Variants in ZNF385D observed in about 807,000 individuals in gnomAD.
ZNF385D encodes the protein zinc finger protein 385D.
In ZNF385D, 15 loss-of-function variants were observed where a neutral mutation model predicts 35.8. The ratio of observed to expected loss-of-function variants is 0.42; its 90% CI spans 0.28 to 0.64. The LOEUF (loss-of-function observed/expected upper bound fraction) is 0.64, where lower values mean the gene tolerates loss of function less well. Ranked by LOEUF, ZNF385D falls within the 30% of genes least tolerant of loss-of-function variation. ZNF385D has a pLI of 0.23. For missense variants in ZNF385D, 474 were observed against 494.6 expected (o/e 0.96, Z 0.39); for synonymous variants, 212 against 186.8 (o/e 1.13, Z -1.10).
chr3:22,088,851 G>A (rs956264358), intron 3 of ZNF385D, among the ~76,000 whole-genome samples: 4 of 152,108 alleles, frequency 2.6e-5, no homozygotes, highest in Admixed American at 2.6e-4. Context: ...CTTCTCCAGT[G>A]CAGCTAAGTT....
At chr3:22,141,876 T>C (rs1183311897) in intron 3 of ZNF385D, among the ~76,000 whole-genome samples, 1 of 152,236 alleles carries the variant, frequency 6.6e-6, no homozygotes, top group Admixed American at 6.5e-5. Context: ...TCAGTGATCT[T>C]TATCCCAAAG....
chr3:21,842,589 A>G (rs1018278707), intron 3 of ZNF385D, among the ~76,000 whole-genome samples: 2 of 151,956 alleles, frequency 1.3e-5, no homozygotes, highest in Admixed American at 1.3e-4. Flanking sequence ...GATCTTTGGG[A>G]TGGTTGTTTA....
At chr3:21,966,674 C>T (rs897301283) in intron 3 of ZNF385D, among the ~76,000 whole-genome samples, 9 of 152,072 alleles carry the variant, frequency 5.9e-5, no homozygotes, top group African/African-American at 1.2e-4. Flanking sequence ...CTCTGCCTCC[C>T]GGGTTCAATC....
intron 5 of ZNF385D, among the ~76,000 whole-genome samples, chr3:21,433,924 A>G (rs1489782599): frequency 2.0e-5 from 3 of 152,164 alleles, no homozygotes; most frequent in East Asian, 1.9e-4. Flanking sequence ...TTTTTGTGTC[A>G]TTAGTAAGTT....
intron 3 of ZNF385D, among the ~76,000 whole-genome samples, chr3:21,972,420 G>A (rs1703314185): frequency 6.6e-6 from 1 of 151,696 alleles, no homozygotes; most frequent in South Asian, 2.1e-4. Context: ...AAAACTTACG[G>A]GACACAGCAA....
At position 22,126,787 on chromosome 3, in the gene ZNF385D, T is replaced by C. The variant is rs80032974; in HGVS notation, c.325+42030A>G. On this transcript the variant is annotated intron_variant, in intron 3 of 5. Coordinates refer to the ZNF385D transcript ENST00000494108. Reference sequence around the variant, plus strand: ...CAATGCTGAAAGTGGAATGTTGAAGTTTCCAACTATTATTGTATCTCTCTC... The same window carrying C: ...CAATGCTGAAAGTGGAATGTTGAAGCTTCCAACTATTATTGTATCTCTCTC... Among the ~76,000 whole-genome samples, 917 of 152,280 alleles carry C rather than the reference T, an allele frequency of 6.0e-3. 6 individuals carry two copies. The highest frequency in any genetic ancestry group is 0.021 in the African/African-American group (869 of 41,572).
intron 1 of ZNF385D, among the ~76,000 whole-genome samples, chr3:21,730,338 T>C (rs1486620044): frequency 6.6e-6 from 1 of 152,246 alleles, no homozygotes; most frequent in Admixed American, 6.5e-5. Context: ...TGCCCAACTA[T>C]GCTCTCCAAC....
intron 4 of ZNF385D, among the ~76,000 whole-genome samples, chr3:21,471,853 C>T (rs956987496): frequency 3.3e-5 from 5 of 152,166 alleles, no homozygotes; most frequent in South Asian, 2.1e-4. Flanking sequence ...TTATTATTTG[C>T]TGGTTATGTT....
At chr3:21,957,707 T>C (rs1323663498) in intron 3 of ZNF385D, among the ~76,000 whole-genome samples, 1 of 152,154 alleles carries the variant, frequency 6.6e-6, no homozygotes, top group Non-Finnish European at 1.5e-5. Context: ...CTCCTCCTTA[T>C]TTCCATCCCA....
intron 3 of ZNF385D, among the ~76,000 whole-genome samples, chr3:21,997,600 G>A (rs139597784): frequency 3.8e-4 from 57 of 151,352 alleles, no homozygotes; most frequent in African/African-American, 1.1e-3. Flanking sequence ...AGAGAGAAAT[G>A]GAGGAAAAGA....
chr3:22,100,089 C>T (rs925739670), intron 3 of ZNF385D, among the ~76,000 whole-genome samples: 3 of 149,462 alleles, frequency 2.0e-5, no homozygotes, highest in East Asian at 1.9e-4. Context: ...AAAATGCTCA[C>T]CATCACTGGC....
chr3:21,695,444 G>A (rs533574498), intron 1 of ZNF385D, among the ~76,000 whole-genome samples: 1 of 152,254 alleles, frequency 6.6e-6, no homozygotes, highest in South Asian at 2.1e-4. Context: ...GCACTTTTTA[G>A]TTCAAAGGTT....
chr3:22,258,556 T>C (rs918465105), intron 2 of ZNF385D, among the ~76,000 whole-genome samples: 4 of 151,636 alleles, frequency 2.6e-5, no homozygotes, highest in Admixed American at 2.6e-4. Context: ...GAACTTGTAA[T>C]AGTCTCCCAA....
intron 2 of ZNF385D, among the ~76,000 whole-genome samples, chr3:22,334,755 G>T (rs1695090612): frequency 3.9e-5 from 6 of 151,994 alleles, no homozygotes; most frequent in Admixed American, 3.9e-4. Flanking sequence ...GTTTTTAGCA[G>T]CTTTACCATA....
At chr3:21,519,598 G>A (rs1707787359) in intron 3 of ZNF385D, among the ~76,000 whole-genome samples, 1 of 152,168 alleles carries the variant, frequency 6.6e-6, no homozygotes, top group South Asian at 2.1e-4. Flanking sequence ...AGTGGGCTTT[G>A]GAAGCCAGCA....
chr3:21,552,539 T>A (rs1054081071), intron 3 of ZNF385D, among the ~76,000 whole-genome samples: 2 of 152,306 alleles, frequency 1.3e-5, no homozygotes, highest in African/African-American at 4.8e-5. Flanking sequence ...ATAAAAACAT[T>A]AGATCTTCTA....
At chr3:22,254,112 G>A (rs529356845) in intron 2 of ZNF385D, among the ~76,000 whole-genome samples, 2 of 151,886 alleles carry the variant, frequency 1.3e-5, no homozygotes, top group South Asian at 2.1e-4. Context: ...AGGCATTAAT[G>A]ACCTTAATGT....
At chr3:21,744,527 A>G (rs1307593998) in intron 1 of ZNF385D, among the ~76,000 whole-genome samples, 2 of 152,218 alleles carry the variant, frequency 1.3e-5, no homozygotes, top group East Asian at 3.9e-4. Flanking sequence ...TTGTGCATAT[A>G]GGGTCTTTTA....
At chr3:21,875,426 C>T (rs1033124650) in intron 3 of ZNF385D, among the ~76,000 whole-genome samples, 1 of 151,924 alleles carries the variant, frequency 6.6e-6, no homozygotes, top group Non-Finnish European at 1.5e-5. Flanking sequence ...CCCTTTTATC[C>T]TCATATCTTG....
Sources: gnomAD v4.1 joint callset for allele counts (sites outside exome capture counted in the v4.1 genomes callset) on GRCh38, gnomAD v4.1.1 for gene constraint, MANE v1.5 for transcripts, NCBI Gene and HGNC (gene_info 2026-07-23, HGNC 2026-07-21) for gene names.